SORCS2: variants seen among roughly 807,000 people sequenced by gnomAD.
The protein encoded by SORCS2 is sortilin related VPS10 domain containing receptor 2, also known as VPS10 domain-containing receptor SorCS2.
Under a neutral mutation model 141.6 loss-of-function variants are expected in SORCS2, and 100 were observed. The observed-to-expected ratio is 0.71, with a 90% CI of 0.60 to 0.83. SORCS2 has a LOEUF of 0.83. SORCS2 is among the 40% of genes least tolerant of loss of function. The pLI is 0.00. For missense variants in SORCS2, 1,646 were observed against 1,560.2 expected (o/e 1.05, Z -0.93); for synonymous variants, 789 against 676.9 (o/e 1.17, Z -2.57).
chr4:7,390,781 G>C (rs573131323), intron 1 of SORCS2, among the ~76,000 whole-genome samples: 2 of 152,194 alleles, frequency 1.3e-5, no homozygotes, highest in African/African-American at 4.8e-5. Flanking sequence ...TGGTGGAGCA[G>C]TTTATGAAAA....
chr4:7,361,568 T>G (rs142528667), intron 1 of SORCS2, among the ~76,000 whole-genome samples: 3 of 152,202 alleles, frequency 2.0e-5, no homozygotes, highest in Middle Eastern at 3.4e-3. Context: ...TCTGTTATCA[T>G]AATCCCTGGG....
chr4:7,392,882 A>G (rs1175863845), intron 1 of SORCS2, among the ~76,000 whole-genome samples: 1 of 125,156 alleles, frequency 8.0e-6, no homozygotes, highest in Non-Finnish European at 1.6e-5. Flanking sequence ...GAACAGTAAT[A>G]TGGGCCCCTC....
chr4:7,197,992 C>T, intron 1 of SORCS2, among the ~76,000 whole-genome samples: 2 of 152,198 alleles, frequency 1.3e-5, no homozygotes, highest in Admixed American at 6.5e-5. Context: ...AGATCAGAGC[C>T]TGGCCCACAG....
intron 3 of SORCS2, among the ~76,000 whole-genome samples, chr4:7,537,630 A>T (rs1413384811): frequency 6.6e-6 from 1 of 152,172 alleles, no homozygotes; most frequent in Admixed American, 6.5e-5. Flanking sequence ...GAACTGGACA[A>T]ACAGCTCTAA....
At chr4:7,655,240 C>G (rs974391731) in intron 5 of SORCS2, among the ~76,000 whole-genome samples, 1 of 150,052 alleles carries the variant, frequency 6.7e-6, no homozygotes, top group African/African-American at 2.5e-5. Context: ...GCTAGCCTTT[C>G]TCTTTCTTAT....
chr4:7,662,689 C>T (rs1312062535), intron 6 of SORCS2, among the ~76,000 whole-genome samples: 15 of 152,254 alleles, frequency 9.9e-5, no homozygotes, highest in Admixed American at 9.8e-4. Context: ...CTTTCCAGAG[C>T]TTCAGCTGGC....
chr4:7,314,665 G>C (rs17756103), intron 1 of SORCS2, among the ~76,000 whole-genome samples: 46,685 of 151,916 alleles, frequency 0.31, 7,393 homozygotes, highest in South Asian at 0.44. Flanking sequence ...AATACATCTG[G>C]ATTAATTGAT....
Position 7,349,516 on chromosome 4 carries a change from G to A in SORCS2, c.481-46772G>A, listed in dbSNP as rs569437164. On this transcript the variant is annotated intron_variant, in intron 1 of 26. Transcript: ENST00000507866. ...AGGTCACCGGGTCATGGGGCAGGGG[G>A]CTGGGTGAGGTGGGGGCTGGGTGAT... is the stretch of plus-strand genomic sequence containing the variant. 1.6e-3 allele frequency among the ~76,000 whole-genome samples: 250 copies of A among 152,186 alleles called. 1 individual carries two copies. Among genetic ancestry groups the A allele is most frequent in the African/African-American group, 5.8e-3 (240 of 41,516 alleles).
intron 2 of SORCS2, among the ~76,000 whole-genome samples, chr4:7,403,987 ATATATATATATTTT>A (rs1466494512): frequency 0.074 from 1,641 of 22,122 alleles, 79 homozygotes; most frequent in Middle Eastern, 0.27. Context: ...ATATATATAT[ATATATATATATTTT>A]TTTTTTTTTT....
At chr4:7,377,929 A>G (rs1200683620) in intron 1 of SORCS2, among the ~76,000 whole-genome samples, 3 of 152,268 alleles carry the variant, frequency 2.0e-5, no homozygotes, top group African/African-American at 4.8e-5. Context: ...ATTAGATTTC[A>G]GAAATGAAGA....
chr4:7,433,773 C>G, intron 2 of SORCS2: 1 of 1,613,522 alleles, frequency 6.2e-7, no homozygotes, highest in Non-Finnish European at 8.5e-7. Flanking sequence ...GGGCCCGCCT[C>G]CGGTTGCCAC....
At chr4:7,278,058 G>T (rs530139165) in intron 1 of SORCS2, among the ~76,000 whole-genome samples, 28 of 152,278 alleles carry the variant, frequency 1.8e-4, no homozygotes, top group African/African-American at 6.7e-4. Context: ...GCACAGAGAG[G>T]CTCAGCAATT....
intron 1 of SORCS2, among the ~76,000 whole-genome samples, chr4:7,358,727 T>C (rs1209087207): frequency 1.3e-5 from 2 of 152,250 alleles, no homozygotes; most frequent in Admixed American, 1.3e-4. Context: ...ATACAGTTTT[T>C]GGAATGTGTT....
At chr4:7,225,347 G>C (rs1483131202) in intron 1 of SORCS2, among the ~76,000 whole-genome samples, 3 of 152,226 alleles carry the variant, frequency 2.0e-5, no homozygotes, top group Admixed American at 6.5e-5. Flanking sequence ...GCTGTACCCA[G>C]CCCTGCTCTT....
At chr4:7,290,108 G>A (rs898582136) in intron 1 of SORCS2, among the ~76,000 whole-genome samples, 2 of 152,196 alleles carry the variant, frequency 1.3e-5, no homozygotes, top group Admixed American at 6.5e-5. Context: ...AAGTAGCTGA[G>A]TGACCCTGGG....
intron 2 of SORCS2, chr4:7,432,130 AC>A (rs11463561): frequency 0.039 from 5,955 of 151,372 alleles, 394 homozygotes; most frequent in African/African-American, 0.13. Context: ...CCAGATGGAA[AC>A]CCCCCCCGGA....
intron 3 of SORCS2, among the ~76,000 whole-genome samples, chr4:7,587,643 GC>G (rs905968135): frequency 6.6e-6 from 1 of 152,164 alleles, no homozygotes; most frequent in Non-Finnish European, 1.5e-5. Context: ...CCCAACTCTG[GC>G]ACCCACAGCA....
rs1169873488 is a variant in SORCS2 at position 7,697,391 on chromosome 4, C to A, written c.1668+117C>A. On this transcript the variant is annotated intron_variant, in intron 12 of 26. Transcript: ENST00000507866. Reference sequence around the variant, plus strand: ...AGGCTCTGTGGGAGAAGCTCTGAGCCATGTCTCCCATCTTGCAGCCAAAGT... The same window carrying A: ...AGGCTCTGTGGGAGAAGCTCTGAGCAATGTCTCCCATCTTGCAGCCAAAGT... The A allele has an allele frequency of 5.8e-6, 5 of 869,150 alleles. No individual in the cohort carries two copies. The Admixed American group carries it at 1.4e-4, about 24-fold the overall frequency. 53.8% of individuals were successfully genotyped at this position (869,150 alleles called of 1,614,324 possible). A position where few individuals can be genotyped will look rare whatever the true frequency, so the allele number is the denominator to read the frequency against.
chr4:7,349,892 C>T (rs1270731684), intron 1 of SORCS2, among the ~76,000 whole-genome samples: 1 of 152,178 alleles, frequency 6.6e-6, no homozygotes, highest in South Asian at 2.1e-4. Flanking sequence ...ACAACTCTCC[C>T]AAGTGTTTGG....
Sources: allele counts gnomAD v4.1 joint callset (sites outside exome capture counted in the v4.1 genomes callset), GRCh38; gene constraint gnomAD v4.1.1; transcripts MANE v1.5; gene names NCBI Gene and HGNC (gene_info 2026-07-23, HGNC 2026-07-21).